The following CNBD1 variants were observed in gnomAD, a reference collection of about 807,000 sequenced individuals.
CNBD1 encodes cyclic nucleotide-binding domain-containing protein 1.
Under a neutral mutation model 54.4 loss-of-function variants are expected in CNBD1, and 71 were observed. That is an observed-to-expected ratio of 1.30 (90% CI 1.08 to 1.59). CNBD1 has a LOEUF of 1.59. CNBD1 is among the 40% of genes most tolerant of loss of function. The pLI, the probability that CNBD1 is intolerant of heterozygous loss-of-function variation, is 0.00. For synonymous variants in CNBD1, 182 were observed against 170.7 expected (o/e 1.07, Z -0.51); for missense variants, 659 against 518.0 (o/e 1.27, Z -2.64).
intron 4 of CNBD1, among the ~76,000 whole-genome samples, chr8:86,986,921 A>G (rs1040530946): frequency 6.6e-6 from 1 of 152,096 alleles, no homozygotes; most frequent in African/African-American, 2.4e-5. Flanking sequence ...GCCTTATAGT[A>G]TAGTTTGAAG....
chr8:87,151,329 A>G (rs1236165584), intron 4 of CNBD1, among the ~76,000 whole-genome samples: 6 of 152,232 alleles, frequency 3.9e-5, no homozygotes, highest in Admixed American at 3.9e-4. Flanking sequence ...GGATATGTTT[A>G]TCAGTGAACA....
intron 4 of CNBD1, among the ~76,000 whole-genome samples, chr8:87,022,492 T>C (rs1316975731): frequency 1.3e-5 from 2 of 151,356 alleles, no homozygotes; most frequent in African/African-American, 4.9e-5. Flanking sequence ...AAAAGAGAAA[T>C]AGGAGATTGC....
At chr8:87,094,829 G>A (rs1811285401) in intron 4 of CNBD1, among the ~76,000 whole-genome samples, 2 of 152,168 alleles carry the variant, frequency 1.3e-5, no homozygotes, top group African/African-American at 4.8e-5. Flanking sequence ...CCTGAGGTCA[G>A]GAGTTCAAGA....
chr8:87,390,579 A>T (rs765746689), intron 2 of CNBD1, among the ~76,000 whole-genome samples: 20 of 152,090 alleles, frequency 1.3e-4, no homozygotes, highest in Admixed American at 7.9e-4. Context: ...ATCATTAAAA[A>T]GTCAGGAAAC....
intron 6 of CNBD1, among the ~76,000 whole-genome samples, chr8:87,280,529 G>A (rs1352992113): frequency 6.6e-6 from 1 of 151,444 alleles, no homozygotes; most frequent in Non-Finnish European, 1.5e-5. Flanking sequence ...AACATGTTGT[G>A]CAAAGTTTAG....
intron 6 of CNBD1, among the ~76,000 whole-genome samples, chr8:87,244,662 C>T (rs1413101540): frequency 1.3e-5 from 2 of 152,132 alleles, no homozygotes; most frequent in Non-Finnish European, 2.9e-5. Context: ...TTCTAGATGT[C>T]CCCTGACTCA....
chr8:87,324,032 A>G (rs753651945), intron 8 of CNBD1, among the ~76,000 whole-genome samples: 2,109 of 121,700 alleles, frequency 0.017, 26 homozygotes, highest in Non-Finnish European at 0.023. Flanking sequence ...AATTTTGTCA[A>G]AGGCTTTTTC....
Position 87,419,760 on chromosome 8 carries a change from A to G in CNBD1, c.214-8786A>G, listed in dbSNP as rs575553125. Among the ~76,000 whole-genome samples, 6 of 151,976 alleles carry G rather than the reference A, an allele frequency of 3.9e-5. No homozygotes were observed. In the East Asian group the frequency reaches 1.2e-3, roughly 29 times the overall value. Reference sequence around the variant, plus strand: ...ATTCCCACAAATGCCAATTCACTTTAAAGTATGAATTCCTGTGAATTCTAT... The same window carrying G: ...ATTCCCACAAATGCCAATTCACTTTGAAGTATGAATTCCTGTGAATTCTAT... On this transcript the variant is annotated intron_variant, in intron 2 of 7. Coordinates refer to the CNBD1 transcript ENST00000521593.
At chr8:86,922,688 C>T (rs1487242221) in intron 3 of CNBD1, among the ~76,000 whole-genome samples, 18 of 152,106 alleles carry the variant, frequency 1.2e-4, no homozygotes, top group Admixed American at 1.2e-3. Flanking sequence ...ATAACTGCCA[C>T]TGAGTAATGG....
chr8:87,302,057 G>T (rs1047651921), intron 8 of CNBD1, among the ~76,000 whole-genome samples: 2 of 152,074 alleles, frequency 1.3e-5, no homozygotes, highest in Non-Finnish European at 2.9e-5. Context: ...TCTACCAGAG[G>T]TACAAGGAGG....
chr8:87,201,314 G>C (rs1813857285), intron 4 of CNBD1, among the ~76,000 whole-genome samples: 1 of 152,096 alleles, frequency 6.6e-6, no homozygotes, highest in Non-Finnish European at 1.5e-5. Flanking sequence ...CTGTTGAATA[G>C]CAGGAAAATA....
chr8:86,911,983 A>G (rs961825307), intron 3 of CNBD1, among the ~76,000 whole-genome samples: 1 of 152,148 alleles, frequency 6.6e-6, no homozygotes, highest in African/African-American at 2.4e-5. Flanking sequence ...ACAAAAAAGT[A>G]AGAAGATATT....
At chr8:86,871,315 A>G (rs1808440490) in intron 1 of CNBD1, among the ~76,000 whole-genome samples, 1 of 152,216 alleles carries the variant, frequency 6.6e-6, no homozygotes, top group Non-Finnish European at 1.5e-5. Context: ...TATTAGTTCC[A>G]TGTTACCAAT....
intron 4 of CNBD1, among the ~76,000 whole-genome samples, chr8:87,144,382 C>A (rs1563485773): frequency 6.6e-6 from 1 of 152,108 alleles, no homozygotes; most frequent in Non-Finnish European, 1.5e-5. Flanking sequence ...CAACAATAGA[C>A]TTATTTCCCC....
intron 4 of CNBD1, among the ~76,000 whole-genome samples, chr8:86,991,073 G>C (rs573470093): frequency 1.3e-5 from 2 of 151,942 alleles, no homozygotes; most frequent in African/African-American, 2.4e-5. Flanking sequence ...TGATAATTTG[G>C]GTGGTGGTAG....
intron 6 of CNBD1, among the ~76,000 whole-genome samples, chr8:87,283,367 GTTTT>G (rs1202102448): frequency 2.0e-5 from 3 of 151,770 alleles, no homozygotes; most frequent in Non-Finnish European, 2.9e-5. Flanking sequence ...CCTTTATAGG[GTTTT>G]ATTCATTTGT....
At position 86,949,795 on chromosome 8, in the gene CNBD1, A is replaced by G. The variant is rs1010341285; in HGVS notation, c.431+10041A>G. Among the ~76,000 whole-genome samples, 9 of 151,574 alleles carry G rather than the reference A, an allele frequency of 5.9e-5. No individual in the cohort carries two copies. The East Asian group carries it at 1.7e-3, about 29-fold the overall frequency. On this transcript the variant is annotated intron_variant, in intron 4 of 10. Transcript: ENST00000518476. ...AGTGGAGATCTTTGTCATGTTCCAG[A>G]TCTTAGAGAAAAAGCTTCACTTTTT... is the stretch of plus-strand genomic sequence containing the variant.
chr8:87,351,874 T>C (rs1023271278), intron 9 of CNBD1, 80 bp downstream of exon 9: 1 of 1,244,080 alleles, frequency 8.0e-7, no homozygotes, highest in African/African-American at 1.6e-5. Context: ...ATGTACTTAC[T>C]AGACATTTAT....
At chr8:87,381,849 G>A (rs1197260111) in intron 10 of CNBD1, among the ~76,000 whole-genome samples, 1 of 151,858 alleles carries the variant, frequency 6.6e-6, no homozygotes, top group African/African-American at 2.4e-5. Flanking sequence ...GTTGAGGCAT[G>A]GGAAATGGGA....
Sources: allele counts gnomAD v4.1 joint callset (sites outside exome capture counted in the v4.1 genomes callset), GRCh38; gene constraint gnomAD v4.1.1; transcripts MANE v1.5; gene names NCBI Gene and HGNC (gene_info 2026-07-23, HGNC 2026-07-21).